The following FMR1NB variants were observed in gnomAD, a reference collection of about 807,000 sequenced individuals.
The protein encoded by FMR1NB is FMR1 neighbor protein.
A neutral mutation model predicts 16.8 loss-of-function variants in FMR1NB; 10 were observed. That is an observed-to-expected ratio of 0.60 (90% confidence interval 0.37 to 1.01). The LOEUF (loss-of-function observed/expected upper bound fraction) is 1.01. Ranked by LOEUF, FMR1NB falls within the 50% of genes least tolerant of loss-of-function variation. FMR1NB has a pLI of 0.01. For synonymous variants in FMR1NB, 83 were observed against 79.1 expected (o/e 1.05, Z -0.26); for missense variants, 205 against 204.8 (o/e 1.00, Z 0.00).
chrX:147,991,585 C>A (rs962321521), intron 1 of FMR1NB, among the ~76,000 whole-genome samples: 2 of 109,295 alleles, frequency 1.8e-5, no homozygotes, highest in Non-Finnish European at 3.8e-5. Context: ...AAAACCCTAA[C>A]TTTCTCACCT....
intron 4 of FMR1NB, 91 bp downstream of exon 4, chrX:148,008,802 G>A (rs1171592273): frequency 3.7e-6 from 3 of 801,476 alleles, no homozygotes; most frequent in Non-Finnish European, 3.6e-6. Context: ...CAGAAATACA[G>A]GGATTATGTT....
chrX:148,009,217 T>C (rs113070530), intron 4 of FMR1NB, among the ~76,000 whole-genome samples: 37 of 111,456 alleles, frequency 3.3e-4, no homozygotes, highest in African/African-American at 1.1e-3. Flanking sequence ...ATTTTATTTT[T>C]CCATAGATTT....
At chrX:148,012,215 T>C (rs68036465) in intron 4 of FMR1NB, among the ~76,000 whole-genome samples, 2 of 34 alleles carry the variant, frequency 0.059, no homozygotes, top group African/African-American at 0.18. Context: ...TTGTTCTTAT[T>C]AACAGCTATT....
chrX:148,008,997 T>C (rs782542353), intron 4 of FMR1NB, among the ~76,000 whole-genome samples: 1 of 109,201 alleles, frequency 9.2e-6, no homozygotes, highest in African/African-American at 3.3e-5. Flanking sequence ...CTGACCAACA[T>C]GGCGAAACCC....
chrX:148,019,268 T>C (rs1281583551), intron 4 of FMR1NB, among the ~76,000 whole-genome samples: 1 of 112,610 alleles, frequency 8.9e-6, no homozygotes, highest in African/African-American at 3.2e-5. Flanking sequence ...TATTTCAACC[T>C]CTTTTTTCAG....
intron 5 of FMR1NB, among the ~76,000 whole-genome samples, chrX:148,025,403 A>T (rs1408526577): frequency 9.0e-6 from 1 of 111,234 alleles, no homozygotes; most frequent in Non-Finnish European, 1.9e-5. Flanking sequence ...AGTCTGACAG[A>T]GATGAGATTG....
At chrX:148,006,980 T>C in intron 3 of FMR1NB, 138 bp downstream of exon 3, 1 of 637,422 alleles carries the variant, frequency 1.6e-6, no homozygotes, top group Non-Finnish European at 2.3e-6. Context: ...CCTTAGAAGG[T>C]CCTGAGGTGG....
At chrX:148,008,517 T>C in intron 3 of FMR1NB, 101 bp from the exon 4 acceptor site, 6 of 758,637 alleles carry the variant, frequency 7.9e-6, no homozygotes, top group Non-Finnish European at 1.2e-5. Context: ...CTCATTTCAC[T>C]TTATTAACTG....
intron 4 of FMR1NB, among the ~76,000 whole-genome samples, chrX:148,024,200 T>C (rs1288071671): frequency 8.9e-6 from 1 of 112,117 alleles, no homozygotes; most frequent in Non-Finnish European, 1.9e-5. Flanking sequence ...CCATTACTAG[T>C]TATCTGTGAC....
intron 4 of FMR1NB, among the ~76,000 whole-genome samples, chrX:148,017,378 A>G (rs782274164): frequency 1.9e-3 from 206 of 110,568 alleles, no homozygotes; most frequent in Non-Finnish European, 2.9e-3. Flanking sequence ...CTGGTATTCT[A>G]TAACCTTCTT....
intron 1 of FMR1NB, among the ~76,000 whole-genome samples, chrX:147,990,276 C>A (rs187227804): frequency 9.0e-6 from 1 of 111,031 alleles, no homozygotes; most frequent in South Asian, 3.8e-4. Context: ...CCAGGTAAGG[C>A]GACACCCCAC....
chrX:147,997,216 G>A (rs1216922043), intron 1 of FMR1NB, among the ~76,000 whole-genome samples: 1 of 111,854 alleles, frequency 8.9e-6, no homozygotes, highest in Non-Finnish European at 1.9e-5. Flanking sequence ...TATACTACAA[G>A]GCTATAGTAA....
At chrX:147,985,349 A>T (rs1433808460) in intron 1 of FMR1NB, among the ~76,000 whole-genome samples, 1 of 111,804 alleles carries the variant, frequency 8.9e-6, no homozygotes, top group Non-Finnish European at 1.9e-5. Context: ...GTTATGGGAT[A>T]CATGTGCAGA....
At chrX:148,018,160 T>C (rs2044659932) in intron 4 of FMR1NB, among the ~76,000 whole-genome samples, 1 of 110,293 alleles carries the variant, frequency 9.1e-6, no homozygotes, top group Non-Finnish European at 1.9e-5. Context: ...CCACCAACAG[T>C]GTGAAAGTGT....
intron 4 of FMR1NB, among the ~76,000 whole-genome samples, chrX:148,022,721 TG>T (rs1557190693): frequency 2.4e-4 from 27 of 111,489 alleles, no homozygotes; most frequent in African/African-American, 7.5e-4. Context: ...AGCCAGTTAG[TG>T]ATGAGGCTGA....
At chrX:147,987,602 T>G (rs2044483315) in intron 1 of FMR1NB, among the ~76,000 whole-genome samples, 1 of 111,668 alleles carries the variant, frequency 9.0e-6, no homozygotes, top group African/African-American at 3.3e-5. Flanking sequence ...GTTAATTTTC[T>G]ATCTCGTTGA....
At chrX:147,983,005 T>C (rs1161630681) in intron 1 of FMR1NB, among the ~76,000 whole-genome samples, 5 of 112,391 alleles carry the variant, frequency 4.4e-5, no homozygotes, top group Non-Finnish European at 9.4e-5. Flanking sequence ...CATCACCCCA[T>C]GTAGTTCCAA....
intron 4 of FMR1NB, among the ~76,000 whole-genome samples, chrX:148,017,005 TTAAAG>T (rs1236272851): frequency 9.0e-6 from 1 of 111,496 alleles, no homozygotes; most frequent in Non-Finnish European, 1.9e-5. Flanking sequence ...TTCTTTCTCA[TTAAAG>T]TATTCAATGT....
intron 2 of FMR1NB, among the ~76,000 whole-genome samples, chrX:148,005,475 G>A (rs1557189021): frequency 1.8e-5 from 2 of 111,217 alleles, no homozygotes; most frequent in Non-Finnish European, 3.8e-5. Flanking sequence ...GGGGAGAAGA[G>A]CCGCTCTGGG....
Sources: allele counts gnomAD v4.1 joint callset (sites outside exome capture counted in the v4.1 genomes callset), GRCh38; gene constraint gnomAD v4.1.1; transcripts MANE v1.5; gene names NCBI Gene and HGNC (gene_info 2026-07-23, HGNC 2026-07-21).